Variants in DTNA observed in about 807,000 individuals in gnomAD.
DTNA encodes dystrobrevin alpha, also known as dystrophin-related protein 3.
DTNA carries 43 observed loss-of-function variants against 100.7 expected under a neutral mutation model. That is an observed-to-expected ratio of 0.43 (90% CI 0.33 to 0.55). The LOEUF (loss-of-function observed/expected upper bound fraction) is 0.55. DTNA is among the 20% of genes least tolerant of loss of function. DTNA has a pLI of 0.04. For synonymous variants in DTNA, 349 were observed against 347.9 expected (o/e 1.00, Z -0.04); for missense variants, 798 against 953.9 (o/e 0.84, Z 2.15).
chr18:34,556,064 T>G (rs1341246585), intron 1 of DTNA, among the ~76,000 whole-genome samples: 1 of 151,380 alleles, frequency 6.6e-6, no homozygotes, highest in African/African-American at 2.4e-5. Context: ...CTGTATTGGG[T>G]GCATATATAT....
intron 1 of DTNA, among the ~76,000 whole-genome samples, chr18:34,604,416 A>T (rs1002067731): frequency 3.3e-5 from 5 of 152,042 alleles, no homozygotes; most frequent in African/African-American, 1.2e-4. Context: ...GCTTATATTT[A>T]TTCATAGGGC....
intron 1 of DTNA, among the ~76,000 whole-genome samples, chr18:34,733,018 G>A (rs867077625): frequency 5.5e-4 from 83 of 152,292 alleles, no homozygotes; most frequent in African/African-American, 1.5e-3. Context: ...CCACAGTGAC[G>A]TTTTGGGTCC....
chr18:34,839,633 A>G (rs898808156), intron 13 of DTNA, among the ~76,000 whole-genome samples: 25 of 152,236 alleles, frequency 1.6e-4, no homozygotes, highest in African/African-American at 5.8e-4. Context: ...TTTTATAAAC[A>G]TATTTAGCAA....
intron 13 of DTNA, among the ~76,000 whole-genome samples, chr18:34,841,828 G>A (rs1007361478): frequency 2.0e-5 from 3 of 152,072 alleles, no homozygotes; most frequent in African/African-American, 7.2e-5. Flanking sequence ...ACCTAATCCT[G>A]ATTAACTCTG....
At position 34,692,736 on chromosome 18, in the gene DTNA, G is replaced by A. The variant is rs567498029; in HGVS notation, c.-1-63240G>A. 2.0e-4 allele frequency among the ~76,000 whole-genome samples: 31 copies of A among 152,220 alleles called. 1 individual carries two copies. The highest frequency in any genetic ancestry group is 7.0e-4 in the African/African-American group (29 of 41,546). On this transcript the variant is annotated intron_variant, in intron 1 of 19. Coordinates refer to the DTNA transcript ENST00000283365. ...AAACTATTTATACAAAATCTTCTTC[G>A]TTGATGTGCACATAAGCCTGGAAAT... is the stretch of plus-strand genomic sequence containing the variant.
intron 1 of DTNA, among the ~76,000 whole-genome samples, chr18:34,531,133 TG>T (rs2043101565): frequency 6.6e-6 from 1 of 152,124 alleles, no homozygotes; most frequent in Admixed American, 6.6e-5. Context: ...AAAGTGAAAA[TG>T]GACACATGAG....
chr18:34,530,612 A>G lies in DTNA; in HGVS notation c.-2+37098A>G, dbSNP rs540566741. 5.9e-5 allele frequency among the ~76,000 whole-genome samples: 9 copies of G among 152,242 alleles called. 1 individual carries two copies. In the South Asian group the frequency reaches 1.4e-3, roughly 25 times the overall value. On this transcript the variant is annotated intron_variant, in intron 1 of 19. Coordinates refer to the DTNA transcript ENST00000283365. ...TACTACCACTAATAATAATAGCTAA[A>G]TTAGTGGGGAATTATCAAGTGCCAA...
At chr18:34,712,142 G>A (rs2083020144) in intron 1 of DTNA, among the ~76,000 whole-genome samples, 1 of 151,832 alleles carries the variant, frequency 6.6e-6, no homozygotes, top group African/African-American at 2.4e-5. Context: ...ATAAAAGAGG[G>A]AAAGAAGAAG....
At chr18:34,709,848 T>A (rs2082572387), upstream of DTNA, among the ~76,000 whole-genome samples, 1 of 152,244 alleles carries the variant, frequency 6.6e-6, no homozygotes, top group Admixed American at 6.5e-5. Flanking sequence ...TACACTGATG[T>A]AGTGTTTTCA....
intron 4 of DTNA, 106 bp downstream of exon 4, chr18:34,794,356 T>TA (rs1401625393): frequency 6.4e-6 from 8 of 1,245,236 alleles, no homozygotes; most frequent in Non-Finnish European, 8.0e-6. Context: ...TTTTTTTTTT[T>TA]ACTCTCTTTT....
At chr18:34,596,219 T>C (rs2050579701) in intron 1 of DTNA, among the ~76,000 whole-genome samples, 1 of 152,130 alleles carries the variant, frequency 6.6e-6, no homozygotes, top group African/African-American at 2.4e-5. Context: ...GGTTGGTTTT[T>C]TGTTTTGTTT....
chr18:34,862,236 G>A (rs2096638863), intron 16 of DTNA, among the ~76,000 whole-genome samples: 1 of 151,196 alleles, frequency 6.6e-6, no homozygotes, highest in African/African-American at 2.4e-5. Context: ...AACCCAGGAA[G>A]ACAAAGACTA....
At chr18:34,788,482 T>G (rs2094587138) in intron 3 of DTNA, among the ~76,000 whole-genome samples, 1 of 152,132 alleles carries the variant, frequency 6.6e-6, no homozygotes, top group Admixed American at 6.6e-5. Context: ...GCGAGGAAAC[T>G]GAAACCTAAG....
intron 1 of DTNA, among the ~76,000 whole-genome samples, chr18:34,591,093 T>C (rs1265392636): frequency 6.6e-6 from 1 of 152,164 alleles, no homozygotes; most frequent in African/African-American, 2.4e-5. Context: ...CTGGGAAATA[T>C]TAGCAAACCT....
In DTNA at chr18:34,838,749, C is replaced by T; in HGVS notation, c.1258C>T (p.Gln420Ter). 6.2e-7 allele frequency: 1 copy of T among 1,612,994 alleles called. No homozygotes were observed. Among genetic ancestry groups the T allele is most frequent in the South Asian group, 1.1e-5 (1 of 91,060 alleles). Residue 420 changes from glutamine (Q) to a stop codon, truncating the protein, a stop_gained, in exon 13 of 23, where the codon CAG (glutamine) becomes TAG (stop). Coordinates refer to ENST00000444659, the MANE Select transcript of DTNA (RefSeq NM_001386795.1). LOFTEE classifies it high-confidence loss of function. ...APAFLKGKGI[Q>*]YSLNVADRLA... ...TTTCCCCCTGCCCTGTTTCAGGATA[C>T]AGTACAGCCTGAATGTGGCAGACAG...
At chr18:34,505,773 T>G (rs958993984) in intron 1 of DTNA, among the ~76,000 whole-genome samples, 19 of 152,248 alleles carry the variant, frequency 1.2e-4, no homozygotes, top group African/African-American at 3.4e-4. Context: ...AATGTTTTTC[T>G]TATGACTGCT....
In DTNA at chr18:34,888,131, A is replaced by C. The variant is rs986608866; in HGVS notation, c.*397A>C. ...GCTGTTATACACAATGGCAGTATTA[A>C]CAAGCATTTTAAACCTTTGCACATG... On this transcript the variant is annotated 3_prime_UTR_variant, in exon 23 of 23. Transcript: ENST00000444659. 3.7e-5 allele frequency: 36 copies of C among 985,776 alleles called. No homozygotes were observed. In the African/African-American group the frequency reaches 6.3e-4, roughly 17 times the overall value. 61.1% of individuals were successfully genotyped at this position (985,776 alleles called of 1,614,324 possible).
chr18:34,531,912 A>G (rs1473783101), intron 1 of DTNA, among the ~76,000 whole-genome samples: 1 of 152,180 alleles, frequency 6.6e-6, no homozygotes, highest in East Asian at 1.9e-4. Context: ...AAAAAAGAAC[A>G]TGAACATCTT....
chr18:34,552,430 AG>A (rs935223651), intron 1 of DTNA, among the ~76,000 whole-genome samples: 3 of 151,450 alleles, frequency 2.0e-5, no homozygotes, highest in African/African-American at 7.3e-5. Flanking sequence ...CACAATGTGC[AG>A]GTTAGTTACA....
Sources: allele counts gnomAD v4.1 joint callset (sites outside exome capture counted in the v4.1 genomes callset), GRCh38; gene constraint gnomAD v4.1.1; transcripts MANE v1.5; gene names NCBI Gene and HGNC (gene_info 2026-07-23, HGNC 2026-07-21).